VRK2: variants seen among roughly 807,000 people sequenced by gnomAD.
VRK2 encodes serine/threonine-protein kinase VRK2.
In VRK2, 60 loss-of-function variants were observed where a neutral mutation model predicts 57.6. The ratio of observed to expected loss-of-function variants is 1.04; its 90% CI spans 0.85 to 1.29. VRK2 has a LOEUF of 1.29. Ranked by LOEUF, VRK2 falls within the 50% of genes most tolerant of loss-of-function variation. The probability of loss-of-function intolerance (pLI) is 0.00; values close to 1 mark genes in which losing one functional copy is unlikely to be tolerated. For synonymous variants in VRK2, 231 were observed against 199.2 expected, an observed-to-expected ratio of 1.16 and a Z score of -1.35; for missense variants, 705 against 588.1, an observed-to-expected ratio of 1.20 and a Z score of -2.06.
At chr2:58,028,845 C>T (rs1479784288) in intron 2 of VRK2, among the ~76,000 whole-genome samples, 2 of 140,304 alleles carry the variant, frequency 1.4e-5, no homozygotes, top group Admixed American at 1.5e-4. Context: ...TGTAACAAAC[C>T]TGCACATTGT....
chr2:58,068,146 T>C (rs1668880922), intron 2 of VRK2, among the ~76,000 whole-genome samples: 2 of 152,110 alleles, frequency 1.3e-5, no homozygotes, highest in Admixed American at 1.3e-4. Context: ...CCCAGGCTGG[T>C]CTCAAACTCC....
intron 1 of VRK2, among the ~76,000 whole-genome samples, chr2:57,935,908 T>G (rs1390881249): frequency 6.6e-6 from 1 of 152,150 alleles, no homozygotes; most frequent in Non-Finnish European, 1.5e-5. Flanking sequence ...ACACATAAAC[T>G]TTTTGATATT....
chr2:58,126,830 G>T (rs1482928293), intron 8 of VRK2, among the ~76,000 whole-genome samples: 1 of 151,938 alleles, frequency 6.6e-6, no homozygotes, highest in African/African-American at 2.4e-5. Flanking sequence ...AATTATATTT[G>T]TGTCAAATAT....
At chr2:58,079,272 A>G (rs1377427843) in intron 2 of VRK2, among the ~76,000 whole-genome samples, 1 of 152,130 alleles carries the variant, frequency 6.6e-6, no homozygotes, top group African/African-American at 2.4e-5. Context: ...AATTAAAGTG[A>G]TATTTGCCAG....
chr2:58,101,562 T>C (rs1385998098), intron 7 of VRK2, among the ~76,000 whole-genome samples: 4 of 151,780 alleles, frequency 2.6e-5, no homozygotes, highest in Non-Finnish European at 5.9e-5. Context: ...ATTCTAATTG[T>C]ACTTAAGCTC....
rs1670162174 is a variant in VRK2 at position 57,916,601 on chromosome 2, AT to A, written c.-439+8769del. Among the ~76,000 whole-genome samples, 4 of 152,114 alleles carry A rather than the reference AT, an allele frequency of 2.6e-5. No homozygotes were observed. The South Asian group carries it at 6.2e-4, about 24-fold the overall frequency. ...TTTTCATGTATGATATTGGTTTTCA[AT>A]TTTTTTAATTTTAAAAAACCTCTTT... is the stretch of plus-strand genomic sequence containing the variant. On this transcript the variant is annotated intron_variant, in intron 1 of 15. Transcript: ENST00000417641.
intron 2 of VRK2, among the ~76,000 whole-genome samples, chr2:58,081,649 A>T (rs1184795736): frequency 2.0e-5 from 3 of 151,800 alleles, no homozygotes; most frequent in East Asian, 3.9e-4. Flanking sequence ...ACTTTTTTGG[A>T]TAACTCAAGG....
chr2:57,962,034 G>A (rs185929148), intron 1 of VRK2, among the ~76,000 whole-genome samples: 13 of 152,260 alleles, frequency 8.5e-5, no homozygotes, highest in East Asian at 7.7e-4. Context: ...CCGTGATTGC[G>A]CCACTGCACT....
rs763319271 is a variant in VRK2, at chr2:57,982,129, C to G, written c.-438-43536C>G. Among the ~76,000 whole-genome samples, 4 of 152,180 alleles carry G rather than the reference C, an allele frequency of 2.6e-5. 1 individual carries two copies. The South Asian group carries it at 8.3e-4, about 32-fold the overall frequency. Reference sequence around the variant, plus strand: ...TAAGTTGGATTTAGTCAATTGGCTTCATTCTGGATGCTTTCAGGGGCCAAG... The same window carrying G: ...TAAGTTGGATTTAGTCAATTGGCTTGATTCTGGATGCTTTCAGGGGCCAAG... On this transcript the variant is annotated intron_variant, in intron 1 of 15. Coordinates refer to the VRK2 transcript ENST00000417641.
intron 12 of VRK2, among the ~76,000 whole-genome samples, chr2:58,151,364 G>T (rs887719342): frequency 2.0e-5 from 3 of 151,652 alleles, no homozygotes; most frequent in Non-Finnish European, 4.4e-5. Flanking sequence ...TCTATCTTGA[G>T]TTCTACTTCA....
intron 1 of VRK2, among the ~76,000 whole-genome samples, chr2:57,982,581 G>C (rs766512844): frequency 6.6e-6 from 1 of 152,166 alleles, no homozygotes. Context: ...GCACTCTGAA[G>C]GTTAGGTGGG....
At chr2:57,920,924 T>C (rs1040036582) in intron 1 of VRK2, among the ~76,000 whole-genome samples, 2 of 152,090 alleles carry the variant, frequency 1.3e-5, no homozygotes, top group African/African-American at 2.4e-5. Flanking sequence ...CCTTCATTTA[T>C]ATTTGTATGC....
chr2:57,980,820 A>C (rs1672400364), intron 1 of VRK2, among the ~76,000 whole-genome samples: 1 of 152,012 alleles, frequency 6.6e-6, no homozygotes, highest in South Asian at 2.1e-4. Context: ...TGTTGGTTTC[A>C]AGTCTGTTTT....
At chr2:58,101,174 T>TGC (rs1673905157) in intron 7 of VRK2, among the ~76,000 whole-genome samples, 2 of 151,720 alleles carry the variant, frequency 1.3e-5, no homozygotes, top group South Asian at 4.1e-4. Flanking sequence ...TCTTTTCCAG[T>TGC]GCTCGTAAGA....
At chr2:58,051,038 T>G (rs902909440) in intron 2 of VRK2, among the ~76,000 whole-genome samples, 11 of 152,114 alleles carry the variant, frequency 7.2e-5, no homozygotes, top group African/African-American at 2.4e-4. Context: ...AGAAACGGGG[T>G]TTTGCCATAT....
At position 58,086,412 on chromosome 2, in the gene VRK2, A is replaced by G; in HGVS notation, c.330A>G (p.Glu110=). The change falls in exon 5 of 13, where the codon GAA becomes GAG. Residue 110 remains glutamate, a synonymous_variant. Transcript: ENST00000340157. ...IPLFYGSGLT[E]FKGRSYRFMV... ...TGTTTTATGGATCTGGTCTGACTGA[A>G]TTCAAGGGAAGAAGGTAAAATGGAA... 7 of 1,596,546 alleles carry G rather than the reference A, an allele frequency of 4.4e-6. No homozygotes were observed. The highest frequency in any genetic ancestry group is 1.1e-5 in the South Asian group (1 of 87,048).
rs1467904580 is a variant in VRK2 at position 57,977,824 on chromosome 2, T to C, written c.-438-47841T>C. Among the ~76,000 whole-genome samples the C allele has an allele frequency of 4.0e-5, 6 of 151,224 alleles. 1 individual carries two copies. The highest frequency in any genetic ancestry group is 1.5e-4 in the African/African-American group (6 of 40,556). On this transcript the variant is annotated intron_variant, in intron 1 of 15. Coordinates refer to the VRK2 transcript ENST00000417641. The stretch of plus-strand genomic sequence containing the variant: ...TTTCAGGTGGAATGATTCCAGCTTC[T>C]GCTCGTTCAGTATGTTGCTGGCTGT...
At chr2:58,049,129 C>G (rs943911369) in intron 2 of VRK2, among the ~76,000 whole-genome samples, 162 bp downstream of exon 2, 2 of 152,158 alleles carry the variant, frequency 1.3e-5, no homozygotes, top group African/African-American at 2.4e-5. Flanking sequence ...TGTCTAGGTT[C>G]AAGACATCAC....
intron 1 of VRK2, among the ~76,000 whole-genome samples, chr2:57,968,904 C>G (rs993208402): frequency 6.6e-6 from 1 of 152,056 alleles, no homozygotes; most frequent in African/African-American, 2.4e-5. Flanking sequence ...ATGCAACTTC[C>G]TGAAGACAAG....
Sources: allele counts gnomAD v4.1 joint callset (sites outside exome capture counted in the v4.1 genomes callset), GRCh38; gene constraint gnomAD v4.1.1; transcripts MANE v1.5; gene names NCBI Gene and HGNC (gene_info 2026-07-23, HGNC 2026-07-21).